The following PCDHGB1 variants were observed in gnomAD, a reference collection of about 807,000 sequenced individuals.
PCDHGB1 encodes protocadherin gamma subfamily B, 1, also known as protocadherin gamma-B1.
In PCDHGB1, 34 loss-of-function variants were observed where a neutral mutation model predicts 56.6. That is an observed-to-expected ratio of 0.60 (90% CI 0.46 to 0.80). The LOEUF (loss-of-function observed/expected upper bound fraction) is 0.80, where lower values mean the gene tolerates loss of function less well. PCDHGB1 is among the 30% of genes least tolerant of loss of function. The pLI is 0.00. For synonymous variants in PCDHGB1, 561 were observed against 505.9 expected (o/e 1.11, Z -1.46); for missense variants, 1,278 against 1,204.6 (o/e 1.06, Z -0.90).
intron 3 of PCDHGB1, among the ~76,000 whole-genome samples, chr5:141,506,045 C>G (rs1379226123): frequency 6.6e-6 from 1 of 152,078 alleles, no homozygotes; most frequent in Non-Finnish European, 1.5e-5. Flanking sequence ...TCTGGTTTTC[C>G]CATAAGGTTG....
rs780788394 is a variant in PCDHGB1 at position 141,491,675 on chromosome 5, C to T, written c.2410-3132C>T. ...GAGCCTGACGCCATCCGGTCCCGCT[C>T]TAATACGCTGCGGGAGCGGAGCCAG... On this transcript the variant is annotated intron_variant, in intron 1 of 3. Transcript: ENST00000523390. The surrounding 1 kb of genome is among the most constrained non-coding windows in gnomAD (Gnocchi z 6.9). 6 of 1,613,450 alleles carry T rather than the reference C, an allele frequency of 3.7e-6. No homozygotes were observed. The African/African-American group carries it at 8.0e-5, about 22-fold the overall frequency.
At chr5:141,416,004 A>G (rs1225801773) in intron 1 of PCDHGB1, 2 of 254,264 alleles carry the variant, frequency 7.9e-6, no homozygotes, top group Non-Finnish European at 1.4e-5. Flanking sequence ...CAGGTCTGGT[A>G]AGAATAGGTA....
rs2096260633 is a variant in PCDHGB1 at position 141,418,459 on chromosome 5, G to C, written c.2409+65790G>C. 2.5e-6 allele frequency: 4 copies of C among 1,613,992 alleles called. No homozygotes were observed. In the East Asian group the frequency reaches 6.7e-5, roughly 27 times the overall value. ...CAGAATTAGTATTGCAGAAGACTCT[G>C]GACCGAGAAACGCAGAGCGCTCACC... On this transcript the variant is annotated intron_variant, in intron 1 of 3. Transcript: ENST00000523390.
At chr5:141,356,311 G>A (rs1760187791) in intron 1 of PCDHGB1, 1 of 1,554,072 alleles carries the variant, frequency 6.4e-7, no homozygotes. Context: ...ACTTTTCAAC[G>A]TGCATGACAG....
At chr5:141,435,055 A>T (rs148331367) in intron 1 of PCDHGB1, among the ~76,000 whole-genome samples, 5 of 152,124 alleles carry the variant, frequency 3.3e-5, no homozygotes, top group Non-Finnish European at 7.4e-5. Flanking sequence ...TTGACCATGC[A>T]GCAGTTTTGT....
At chr5:141,357,644 C>A in intron 1 of PCDHGB1, 4 of 1,610,538 alleles carry the variant, frequency 2.5e-6, no homozygotes, top group Non-Finnish European at 2.5e-6. Flanking sequence ...TATAATAGAT[C>A]ATACCACACT....
At chr5:141,356,145 T>C (rs1358999264) in intron 1 of PCDHGB1, 3 of 1,613,584 alleles carry the variant, frequency 1.9e-6, no homozygotes, top group Non-Finnish European at 2.5e-6. Context: ...CTGGATTCTA[T>C]GACATAGATG....
Position 141,477,983 on chromosome 5 carries a change from C to T in PCDHGB1, c.2410-16824C>T. 1 of 1,614,126 alleles carries T rather than the reference C, an allele frequency of 6.2e-7. No individual in the cohort carries two copies. Among genetic ancestry groups the T allele is most frequent in the Non-Finnish European group, 8.5e-7 (1 of 1,180,024 alleles). ...TAACCAGAGCCTTTTTGCCATAGGGCTGCACACTGGTCAAATCAGTACTGC... is the reference window on the plus strand; with the variant it reads ...TAACCAGAGCCTTTTTGCCATAGGGTTGCACACTGGTCAAATCAGTACTGC... On this transcript the variant is annotated intron_variant, in intron 1 of 3. Coordinates refer to ENST00000523390, the MANE Select transcript of PCDHGB1 (RefSeq NM_018922.3). The surrounding 1 kb of genome is among the most constrained non-coding windows in gnomAD (Gnocchi z 4.9).
At position 141,422,391 on chromosome 5, in the gene PCDHGB1, T is replaced by A. The variant is rs1036823508; in HGVS notation, c.2409+69722T>A. On this transcript the variant is annotated intron_variant, in intron 1 of 3. Transcript: ENST00000523390. ...ATGGTCAAGTCTCCTGTTTTATTCCTAACCACCTGCCTTTTAAATTAGAAA... is the reference window on the plus strand; with the variant it reads ...ATGGTCAAGTCTCCTGTTTTATTCCAAACCACCTGCCTTTTAAATTAGAAA... 2.5e-6 allele frequency: 4 copies of A among 1,591,932 alleles called. No individual in the cohort carries two copies. The African/African-American group carries it at 4.1e-5, about 16-fold the overall frequency.
rs539905795 is a variant in PCDHGB1, at chr5:141,419,910, C to T, written c.2409+67241C>T. 1.5e-5 allele frequency: 25 copies of T among 1,614,086 alleles called. No individual in the cohort carries two copies. In the South Asian group the frequency reaches 2.4e-4, roughly 16 times the overall value. On this transcript the variant is annotated intron_variant, in intron 1 of 3. Coordinates refer to ENST00000523390, the MANE Select transcript of PCDHGB1 (RefSeq NM_018922.3). ...AGCGACCATCCCACACCCTCTGACT[C>T]CCAGGCTGAGATGCAGTTTTACCTG...
Position 141,424,000 on chromosome 5 carries a change from A to G in PCDHGB1, c.2410-70807A>G, listed in dbSNP as rs2096794510. On this transcript the variant is annotated intron_variant, in intron 1 of 3. Coordinates refer to ENST00000523390, the MANE Select transcript of PCDHGB1 (RefSeq NM_018922.3). ...ATGAGGCTCTCAATTTATTATATAT[A>G]GATACAAATTAATGATTCACAAACA... 5 of 1,076,368 alleles carry G rather than the reference A, an allele frequency of 4.6e-6. No homozygotes were observed. In the South Asian group the frequency reaches 1.4e-4, roughly 30 times the overall value. 66.7% of individuals were successfully genotyped at this position (1,076,368 alleles called of 1,614,324 possible).
intron 1 of PCDHGB1, among the ~76,000 whole-genome samples, chr5:141,453,670 G>A (rs191035462): frequency 2.5e-4 from 38 of 152,224 alleles, no homozygotes; most frequent in Middle Eastern, 6.8e-3. Context: ...TACACAAAAG[G>A]TAACACACTA....
intron 1 of PCDHGB1, chr5:141,372,748 C>A: frequency 1.1e-5 from 17 of 1,613,132 alleles, no homozygotes; most frequent in Non-Finnish European, 1.4e-5. Flanking sequence ...TGTGATGAAG[C>A]CTCTTGGTTT....
intron 1 of PCDHGB1, among the ~76,000 whole-genome samples, chr5:141,454,796 A>ATTTTTTTTTTTTTTTTTTTTTTTTTTT (rs61612330): frequency 3.9e-5 from 3 of 77,408 alleles, no homozygotes; most frequent in Admixed American, 1.8e-4. Flanking sequence ...CATGGTTCTA[A>ATTTTTTTTTTTTTTTTTTTTTTTTTTT]TTTTTTTTTT....
chr5:141,353,392 A>G (rs1318635652), intron 1 of PCDHGB1, among the ~76,000 whole-genome samples: 1 of 152,222 alleles, frequency 6.6e-6, no homozygotes. Context: ...GTAATTATGT[A>G]ATTAATGTAA....
intron 1 of PCDHGB1, chr5:141,357,147 TG>T: frequency 6.2e-7 from 1 of 1,613,554 alleles, no homozygotes; most frequent in Non-Finnish European, 8.5e-7. Context: ...TCCAGGACCA[TG>T]GCCAGCCCCC....
rs553673516 is a variant in PCDHGB1, at chr5:141,476,211, T to C, written c.2410-18596T>C. The C allele has an allele frequency of 5.4e-5, 87 of 1,613,942 alleles. No individual in the cohort carries two copies. The highest frequency in any genetic ancestry group is 7.0e-5 in the Non-Finnish European group (83 of 1,180,000). ...GGTGCCTTGAACAAGGCTTCCACGG[T>C]CATTCACTATGAGATCCCGGAGGAA... On this transcript the variant is annotated intron_variant, in intron 1 of 3. Coordinates refer to ENST00000523390, the MANE Select transcript of PCDHGB1 (RefSeq NM_018922.3). The surrounding 1 kb of genome is among the most constrained non-coding windows in gnomAD (Gnocchi z 7.6).
chr5:141,396,830 G>A (rs1014090361), intron 1 of PCDHGB1, among the ~76,000 whole-genome samples: 1 of 152,198 alleles, frequency 6.6e-6, no homozygotes, highest in African/African-American at 2.4e-5. Context: ...TGCATATTCA[G>A]TGGAGTGGGA....
At chr5:141,423,557 G>C in intron 1 of PCDHGB1, 2 of 1,613,654 alleles carry the variant, frequency 1.2e-6, no homozygotes, top group Non-Finnish European at 1.7e-6. Context: ...CCCAACTATG[G>C]GGACACGCTC....
Sources: gnomAD v4.1 joint callset for allele counts (sites outside exome capture counted in the v4.1 genomes callset) on GRCh38, gnomAD v4.1.1 for gene constraint, Gnocchi (gnomAD v3.1) non-coding constraint, MANE v1.5 for transcripts, NCBI Gene and HGNC (gene_info 2026-07-23, HGNC 2026-07-21) for gene names.